LUZP1: variants seen among roughly 807,000 people sequenced by gnomAD.
LUZP1 encodes filamin mechanobinding actin cross-linking protein.
In LUZP1, 25 loss-of-function variants were observed where a neutral mutation model predicts 71.3. The observed-to-expected ratio is 0.35, with a 90% confidence interval of 0.26 to 0.49. The LOEUF is 0.49. LUZP1 is among the 20% of genes least tolerant of loss of function. The pLI is 0.99. For missense variants in LUZP1, 1,142 were observed against 1,300.8 expected (o/e 0.88, Z 1.88); for synonymous variants, 481 against 506.4 (o/e 0.95, Z 0.67).
At chr1:23,171,946 C>T (rs1266058001) in intron 1 of LUZP1, among the ~76,000 whole-genome samples, 1 of 152,204 alleles carries the variant, frequency 6.6e-6, no homozygotes, top group African/African-American at 2.4e-5. Flanking sequence ...AGCTTTGGCA[C>T]AGGAAAGATC....
chr1:23,172,684 T>C lies in LUZP1; in HGVS notation c.-484-3660A>G, dbSNP rs1281954550. 2.6e-5 allele frequency among the ~76,000 whole-genome samples: 4 copies of C among 151,558 alleles called. No homozygotes were observed. In the East Asian group the frequency reaches 7.8e-4, roughly 29 times the overall value. Reference sequence around the variant, plus strand: ...AATGATCCACCACACCCGGGTAATTTTTGTATTTTTAGTAGAGATGGGGTT... The same window carrying C: ...AATGATCCACCACACCCGGGTAATTCTTGTATTTTTAGTAGAGATGGGGTT... On this transcript the variant is annotated intron_variant, in intron 1 of 4. Coordinates refer to ENST00000302291, the Ensembl canonical transcript of LUZP1.
chr1:23,098,802 G>T (rs1045123830), intron 3 of LUZP1, among the ~76,000 whole-genome samples: 7 of 152,140 alleles, frequency 4.6e-5, no homozygotes, highest in African/African-American at 1.7e-4. Flanking sequence ...GAAAGCTCAG[G>T]GCAAAAGAAA....
intron 2 of LUZP1, among the ~76,000 whole-genome samples, chr1:23,139,238 G>C (rs561447124): frequency 6.6e-6 from 1 of 151,278 alleles, no homozygotes; most frequent in African/African-American, 2.4e-5. Flanking sequence ...TCTCAATTCA[G>C]TATCTATTGA....
At chr1:23,136,943 G>C (rs578121062) in intron 2 of LUZP1, among the ~76,000 whole-genome samples, 1 of 152,132 alleles carries the variant, frequency 6.6e-6, no homozygotes, top group East Asian at 1.9e-4. Flanking sequence ...AAGTTCCCCA[G>C]TTCCCAGTTA....
rs2124602739 is a variant in LUZP1 at position 23,094,826 on chromosome 1, C to A, written c.-119-446G>T. Among the ~76,000 whole-genome samples, 1 of 152,192 alleles carries A rather than the reference C, an allele frequency of 6.6e-6. No individual in the cohort carries two copies. Among genetic ancestry groups the A allele is most frequent in the Admixed American group, 6.5e-5 (1 of 15,304 alleles). On this transcript the variant is annotated intron_variant, in intron 3 of 4. Coordinates refer to ENST00000302291, the Ensembl canonical transcript of LUZP1. This position sits in a 1 kb window ranked among gnomAD's most constrained non-coding sequence, Gnocchi z 4.7. ...AAGATCTTGGTAACAAAGCAATAAA[C>A]AATCCTAAGATTTTTTTTTTTAAAG...
At chr1:23,115,733 G>T (rs536855707) in intron 2 of LUZP1, among the ~76,000 whole-genome samples, 10 of 152,132 alleles carry the variant, frequency 6.6e-5, no homozygotes, top group African/African-American at 2.4e-4. Context: ...TAGAGATGGG[G>T]TTTCACCATG....
chr1:23,122,221 C>T lies in LUZP1; in HGVS notation c.-225-13094G>A, dbSNP rs536239505. 5.9e-5 allele frequency among the ~76,000 whole-genome samples: 9 copies of T among 152,132 alleles called. No homozygotes were observed. The South Asian group carries it at 1.9e-3, about 32-fold the overall frequency. ...GAATGATAACTGAGAGCTTAAAATC[C>T]ATTAAAAACCACTTAAGGCAGAATA... is the stretch of plus-strand genomic sequence containing the variant. On this transcript the variant is annotated intron_variant, in intron 2 of 4. Transcript: ENST00000302291.
At chr1:23,139,028 A>G (rs956275758) in intron 2 of LUZP1, among the ~76,000 whole-genome samples, 6 of 101,734 alleles carry the variant, frequency 5.9e-5, no homozygotes, top group African/African-American at 2.4e-4. Context: ...AAATATATAT[A>G]TATATATATA....
chr1:23,084,738 C>CA (rs1019131208), exon 5 of LUZP1: 6 of 151,754 alleles, frequency 4.0e-5, no homozygotes, highest in African/African-American at 7.3e-5. Flanking sequence ...CTTTTCCCCC[C>CA]CTAGTCTTAG....
At chr1:23,107,041 T>A (rs943050593) in intron 3 of LUZP1, among the ~76,000 whole-genome samples, 2 of 152,246 alleles carry the variant, frequency 1.3e-5, no homozygotes, top group African/African-American at 2.4e-5. Context: ...CACGGCCTCC[T>A]TATGGGTCCT....
intron 3 of LUZP1, among the ~76,000 whole-genome samples, chr1:23,099,771 C>G (rs1643917019): frequency 1.3e-5 from 2 of 152,204 alleles, no homozygotes; most frequent in African/African-American, 4.8e-5. Context: ...CAAATACTTA[C>G]TGGAAACATA....
intron 2 of LUZP1, among the ~76,000 whole-genome samples, chr1:23,167,439 G>A (rs904917980): frequency 6.6e-6 from 1 of 152,176 alleles, no homozygotes; most frequent in East Asian, 1.9e-4. Flanking sequence ...GGGCTCAGCA[G>A]CGCAATCCTT....
exon 4 of LUZP1, chr1:23,092,786 G>C: frequency 6.2e-7 from 1 of 1,613,676 alleles, no homozygotes; most frequent in Non-Finnish European, 8.5e-7. Context: ...TGCCTGGCTT[G>C]GAAGTCCCCT....
rs753440754 is a variant in LUZP1, at chr1:23,093,074, C to A, written c.1188G>T (p.Gln396His). The change falls in exon 4 of 5, where the codon CAG (glutamine) becomes CAT (histidine). Residue 396 changes from glutamine (Q) to histidine (H), a missense_variant. Transcript: ENST00000302291. This position sits in a 1 kb window ranked among gnomAD's most constrained non-coding sequence, Gnocchi z 4.2. The stretch of plus-strand genomic sequence containing the variant: ...TGTTCCGGAGTCGTTCCCGCTTATG[C>A]TGAGGAGACAGTTCCCGCGCTGTGT... The A allele has an allele frequency of 1.9e-6, 3 of 1,614,130 alleles. No homozygotes were observed. Among genetic ancestry groups the A allele is most frequent in the Non-Finnish European group, 1.7e-6 (2 of 1,180,000 alleles).
At chr1:23,139,012 AAAAAAAAATATATATAT>A (rs1214502938) in intron 2 of LUZP1, among the ~76,000 whole-genome samples, 11 of 103,306 alleles carry the variant, frequency 1.1e-4, no homozygotes, top group African/African-American at 4.3e-4. Flanking sequence ...AAAAAAAAAA[AAAAAAAAATATATATAT>A]ATATATATAT....
intron 2 of LUZP1, among the ~76,000 whole-genome samples, chr1:23,167,925 C>T (rs1000067976): frequency 1.3e-5 from 2 of 151,880 alleles, no homozygotes; most frequent in African/African-American, 4.8e-5. Flanking sequence ...AGGCGGGCCC[C>T]GCGCTGCGGA....
chr1:23,142,637 T>C (rs2776821), intron 2 of LUZP1, among the ~76,000 whole-genome samples: 151,233 of 151,296 alleles, frequency 1, 75,585 homozygotes, highest in Middle Eastern at 1. Context: ...TCTGGCTTCA[T>C]ACCTGAGGTG....
chr1:23,124,050 A>G (rs1181513240), intron 2 of LUZP1, among the ~76,000 whole-genome samples: 1 of 152,204 alleles, frequency 6.6e-6, no homozygotes, highest in Non-Finnish European at 1.5e-5. Context: ...ACACTCTCAG[A>G]AAAATTCCTC....
At chr1:23,098,090 T>C (rs1643902581) in intron 3 of LUZP1, among the ~76,000 whole-genome samples, 1 of 152,212 alleles carries the variant, frequency 6.6e-6, no homozygotes, top group African/African-American at 2.4e-5. Flanking sequence ...AAAGTTCTTT[T>C]TCTCCAGTCT....
Sources: gnomAD v4.1 joint callset for allele counts (sites outside exome capture counted in the v4.1 genomes callset) on GRCh38, gnomAD v4.1.1 for gene constraint, Gnocchi (gnomAD v3.1) non-coding constraint, MANE v1.5 for transcripts, NCBI Gene and HGNC (gene_info 2026-07-23, HGNC 2026-07-21) for gene names.